The following NCAPG2 variants were observed in gnomAD, a reference collection of about 807,000 sequenced individuals.
The protein encoded by NCAPG2 is condensin-2 complex subunit G2.
Under a neutral mutation model 141.1 loss-of-function variants are expected in NCAPG2, and 53 were observed. That is an observed-to-expected ratio of 0.38 (90% CI 0.30 to 0.47). NCAPG2 has a LOEUF of 0.47. NCAPG2 is among the 20% of genes least tolerant of loss of function. The pLI is 0.99. For synonymous variants in NCAPG2, 499 were observed against 490.7 expected, an observed-to-expected ratio of 1.02 and a Z score of -0.22; for missense variants, 1,087 against 1,389.0, an observed-to-expected ratio of 0.78 and a Z score of 3.46.
intron 8 of NCAPG2, among the ~76,000 whole-genome samples, chr7:158,685,054 G>C (rs1388385852): frequency 6.6e-6 from 1 of 152,206 alleles, no homozygotes; most frequent in Non-Finnish European, 1.5e-5. Flanking sequence ...AGGGTTGTGA[G>C]AGGCTCCTTT....
At chr7:158,680,186 GATTT>G in intron 10 of NCAPG2, 101 bp from the exon 11 acceptor site, 1 of 1,295,120 alleles carries the variant, frequency 7.7e-7, no homozygotes, top group South Asian at 1.5e-5. Flanking sequence ...TCTTGATACA[GATTT>G]ATTTTCAAAT....
At position 158,686,161 on chromosome 7, in the gene NCAPG2, A is replaced by C; in HGVS notation, c.837+11T>G. On this transcript the variant is annotated intron_variant, in intron 8 of 27. Coordinates refer to ENST00000356309, the MANE Select transcript of NCAPG2 (RefSeq NM_017760.7). Reference sequence around the variant, plus strand: ...AAAAATAAGTGTTAACATTTAAAAAAATGAAAATACCTCCAGTATTTTCCC... The same window carrying C: ...AAAAATAAGTGTTAACATTTAAAAACATGAAAATACCTCCAGTATTTTCCC... The C allele has an allele frequency of 6.7e-7, 1 of 1,502,956 alleles. No homozygotes were observed. Among genetic ancestry groups the C allele is most frequent in the Non-Finnish European group, 9.0e-7 (1 of 1,110,742 alleles). The allele number at this position is 1,502,956 out of a possible 1,614,324, so 93.1% of individuals were successfully genotyped here. A position where few individuals can be genotyped will look rare whatever the true frequency, so the allele number is the denominator to read the frequency against.
intron 10 of NCAPG2, 55 bp from the exon 11 acceptor site, chr7:158,680,140 C>T: frequency 6.4e-7 from 1 of 1,555,466 alleles, no homozygotes; most frequent in Non-Finnish European, 8.8e-7. Flanking sequence ...CATACGAAGG[C>T]TTAAGTACAG....
chr7:158,697,156 G>C (rs1835497938), intron 2 of NCAPG2, among the ~76,000 whole-genome samples: 1 of 152,204 alleles, frequency 6.6e-6, no homozygotes, highest in Admixed American at 6.5e-5. Flanking sequence ...TAGGAGATGA[G>C]ATGACAGCTG....
chr7:158,656,222 T>C lies in NCAPG2; in HGVS notation c.2388+38A>G, dbSNP rs758720694. 4.4e-6 allele frequency: 7 copies of C among 1,601,334 alleles called. No homozygotes were observed. The Admixed American group carries it at 5.1e-5, about 12-fold the overall frequency. ...ACACTTTGATTTGTCACCCCCACAATCATAGGAAACCACTCAACTCTCAGG... is the reference window on the plus strand; with the variant it reads ...ACACTTTGATTTGTCACCCCCACAACCATAGGAAACCACTCAACTCTCAGG... On this transcript the variant is annotated intron_variant, in intron 19 of 27. Coordinates refer to ENST00000356309, the MANE Select transcript of NCAPG2 (RefSeq NM_017760.7).
intron 1 of NCAPG2, among the ~76,000 whole-genome samples, chr7:158,703,960 ACTCT>A (rs1319890344): frequency 2.0e-5 from 3 of 150,074 alleles, no homozygotes; most frequent in Non-Finnish European, 4.4e-5. Context: ...GACTGAGGGG[ACTCT>A]CTCTGAGGGC....
At chr7:158,682,603 T>C (rs1834516034) in intron 9 of NCAPG2, among the ~76,000 whole-genome samples, 1 of 152,224 alleles carries the variant, frequency 6.6e-6, no homozygotes, top group South Asian at 2.1e-4. Context: ...GTAGTCTTTA[T>C]TCACTTGGTT....
At chr7:158,688,853 G>A (rs981453337) in intron 6 of NCAPG2, among the ~76,000 whole-genome samples, 4 of 152,274 alleles carry the variant, frequency 2.6e-5, no homozygotes, top group South Asian at 2.1e-4. Context: ...TGTCTCTGCC[G>A]CTGAGCAGCT....
rs2129460813 is a variant in NCAPG2, at chr7:158,666,480, A to G, written c.1480-1730T>C. Among the ~76,000 whole-genome samples the G allele has an allele frequency of 1.3e-5, 2 of 152,004 alleles. 1 individual carries two copies. The highest frequency in any genetic ancestry group is 4.2e-4 in the South Asian group (2 of 4,802). ...ATTTTTGAAACCACCCCCAGCATAG[A>G]TATTAGTATTCCCACTTTAAAGGTA... On this transcript the variant is annotated intron_variant, in intron 13 of 27. Transcript: ENST00000356309.
intron 23 of NCAPG2, 71 bp downstream of exon 23, chr7:158,652,222 T>C (rs2129458578): frequency 1.4e-6 from 2 of 1,421,644 alleles, no homozygotes; most frequent in South Asian, 2.5e-5. Flanking sequence ...CCAGGGCTGA[T>C]GCATCTGTGT....
chr7:158,695,027 C>T (rs935011349), intron 2 of NCAPG2, among the ~76,000 whole-genome samples: 15 of 152,162 alleles, frequency 9.9e-5, no homozygotes, highest in African/African-American at 1.9e-4. Context: ...TAATTCTTTA[C>T]GCCTCAATTA....
At chr7:158,645,346 C>A (rs1830929841) in intron 26 of NCAPG2, among the ~76,000 whole-genome samples, 173 bp downstream of exon 26, 1 of 152,118 alleles carries the variant, frequency 6.6e-6, no homozygotes, top group Non-Finnish European at 1.5e-5. Flanking sequence ...GGAGAGGAAG[C>A]CCAGGTGGAC....
At chr7:158,697,489 T>C (rs1835521901) in intron 2 of NCAPG2, among the ~76,000 whole-genome samples, 2 of 151,646 alleles carry the variant, frequency 1.3e-5, no homozygotes, top group African/African-American at 4.9e-5. Flanking sequence ...TAATCTCAAC[T>C]ATTCAGGAGG....
rs1832804733 is a variant in NCAPG2 at position 158,664,945 on chromosome 7, G to A, written c.1480-195C>T. 16 of 562,848 alleles carry A rather than the reference G, an allele frequency of 2.8e-5. No individual in the cohort carries two copies. The South Asian group carries it at 3.9e-4, about 14-fold the overall frequency. 34.9% of individuals were successfully genotyped at this position (562,848 alleles called of 1,614,324 possible). A position where few individuals can be genotyped will look rare whatever the true frequency, so the allele number is the denominator to read the frequency against. On this transcript the variant is annotated intron_variant, in intron 13 of 27. Coordinates refer to ENST00000356309, the MANE Select transcript of NCAPG2 (RefSeq NM_017760.7). ...AATTAATAAATCTATATTTTTAAAA[G>A]TACTGTTATATAAGGCACCCAAGTA...
intron 9 of NCAPG2, 100 bp downstream of exon 9, chr7:158,683,200 G>A: frequency 1.0e-6 from 1 of 995,984 alleles, no homozygotes; most frequent in South Asian, 1.9e-5. Context: ...CCCCCTAACT[G>A]ATGTCTGTGA....
intron 8 of NCAPG2, among the ~76,000 whole-genome samples, 196 bp downstream of exon 8, chr7:158,685,976 A>G (rs1038505079): frequency 6.6e-6 from 1 of 152,188 alleles, no homozygotes; most frequent in Non-Finnish European, 1.5e-5. Flanking sequence ...CTCCCAGCTG[A>G]AAGAGCACAG....
intron 7 of NCAPG2, among the ~76,000 whole-genome samples, chr7:158,686,938 C>T (rs1834789198): frequency 6.6e-6 from 1 of 152,184 alleles, no homozygotes; most frequent in Admixed American, 6.5e-5. Context: ...ACATCTCCAT[C>T]ACGCAGGGAG....
intron 11 of NCAPG2, among the ~76,000 whole-genome samples, chr7:158,679,614 CCA>C (rs1834318466): frequency 6.6e-6 from 1 of 152,172 alleles, no homozygotes; most frequent in African/African-American, 2.4e-5. Flanking sequence ...GACTCTGACC[CCA>C]GAGAGCAGGG....
chr7:158,692,597 C>T (rs1835192749), intron 4 of NCAPG2, among the ~76,000 whole-genome samples: 1 of 152,064 alleles, frequency 6.6e-6, no homozygotes, highest in Admixed American at 6.6e-5. Context: ...CAAAATTAGG[C>T]GGGCGTGGTG....
Sources: gnomAD v4.1 joint callset for allele counts (sites outside exome capture counted in the v4.1 genomes callset) on GRCh38, gnomAD v4.1.1 for gene constraint, MANE v1.5 for transcripts, NCBI Gene and HGNC (gene_info 2026-07-23, HGNC 2026-07-21) for gene names.